Variants in KCNIP4 observed in about 807,000 individuals in gnomAD.
KCNIP4 encodes the protein potassium voltage-gated channel interacting protein 4, also known as Kv channel-interacting protein 4.
KCNIP4 carries 12 observed loss-of-function variants against 34.0 expected under a neutral mutation model. The ratio of observed to expected loss-of-function variants is 0.35; its 90% CI spans 0.23 to 0.57. The LOEUF is 0.57. Ranked by LOEUF, KCNIP4 falls within the 20% of genes least tolerant of loss-of-function variation. The pLI is 0.83. For missense variants in KCNIP4, 238 were observed against 311.7 expected, an observed-to-expected ratio of 0.76 and a Z score of 1.78; for synonymous variants, 124 against 102.2, an observed-to-expected ratio of 1.21 and a Z score of -1.29.
chr4:21,765,819 GA>G (rs374486594), intron 1 of KCNIP4, among the ~76,000 whole-genome samples: 1,317 of 95,012 alleles, frequency 0.014, 6 homozygotes, highest in South Asian at 0.027. Context: ...ACCAGGCCGT[GA>G]AAAAAAAAAA....
At chr4:21,737,107 C>G (rs776868323) in intron 1 of KCNIP4, among the ~76,000 whole-genome samples, 2 of 152,152 alleles carry the variant, frequency 1.3e-5, no homozygotes, top group Non-Finnish European at 2.9e-5. Flanking sequence ...TGTTGGGTGA[C>G]CTGGTGCCTA....
intron 1 of KCNIP4, among the ~76,000 whole-genome samples, chr4:21,239,763 T>G (rs916161009): frequency 2.0e-5 from 3 of 152,184 alleles, no homozygotes; most frequent in African/African-American, 7.2e-5. Flanking sequence ...GGAACACTTT[T>G]ACACTGTTGG....
chr4:21,252,731 T>G (rs1418363828), intron 1 of KCNIP4, among the ~76,000 whole-genome samples: 1 of 150,510 alleles, frequency 6.6e-6, no homozygotes, highest in South Asian at 2.1e-4. Flanking sequence ...ATTAGAAATA[T>G]CCATCTTTCC....
intron 1 of KCNIP4, among the ~76,000 whole-genome samples, chr4:21,405,678 A>C (rs1723923187): frequency 6.6e-6 from 1 of 152,206 alleles, no homozygotes; most frequent in Non-Finnish European, 1.5e-5. Flanking sequence ...AATAAATATC[A>C]GCCATTATCA....
At chr4:20,896,954 G>A (rs892360601) in intron 1 of KCNIP4, among the ~76,000 whole-genome samples, 1 of 150,524 alleles carries the variant, frequency 6.6e-6, no homozygotes, top group African/African-American at 2.4e-5. Flanking sequence ...TTTAATTACT[G>A]CCAAGCTCAC....
chr4:20,762,482 A>G (rs1433793650), intron 3 of KCNIP4, among the ~76,000 whole-genome samples: 1 of 152,198 alleles, frequency 6.6e-6, no homozygotes, highest in Non-Finnish European at 1.5e-5. Flanking sequence ...CATTTTTTTA[A>G]ACCTTCAGGT....
At chr4:21,457,937 C>T (rs906114701) in intron 1 of KCNIP4, among the ~76,000 whole-genome samples, 6 of 152,028 alleles carry the variant, frequency 3.9e-5, no homozygotes, top group Non-Finnish European at 5.9e-5. Context: ...CTGTTAGCTA[C>T]GTTCCTGCCC....
intron 1 of KCNIP4, among the ~76,000 whole-genome samples, chr4:21,607,341 A>T (rs531375898): frequency 6.6e-6 from 1 of 152,294 alleles, no homozygotes; most frequent in East Asian, 1.9e-4. Flanking sequence ...GTACTCAATT[A>T]AAATGAACAA....
chr4:21,498,421 G>A (rs10007854), intron 1 of KCNIP4, among the ~76,000 whole-genome samples: 5,744 of 151,984 alleles, frequency 0.038, 319 homozygotes, highest in African/African-American at 0.12. Flanking sequence ...CCATTTGGGG[G>A]GTTATGTTTT....
At chr4:20,737,409 T>C (rs1749880764) in intron 5 of KCNIP4, among the ~76,000 whole-genome samples, 1 of 152,124 alleles carries the variant, frequency 6.6e-6, no homozygotes, top group African/African-American at 2.4e-5. Flanking sequence ...AGGAGCACTT[T>C]GAATACTGAA....
chr4:21,773,430 G>T lies in KCNIP4; in HGVS notation c.61+175141C>A, dbSNP rs143706324. On this transcript the variant is annotated intron_variant, in intron 1 of 8. Coordinates refer to ENST00000382152, the MANE Select transcript of KCNIP4 (RefSeq NM_025221.6). ...AGATAATTCTGTAGCTGTATACTAG[G>T]TCCACTTGATCCAGAGATGAGTTCA... is the stretch of plus-strand genomic sequence containing the variant. 6.0e-3 allele frequency among the ~76,000 whole-genome samples: 915 copies of T among 152,226 alleles called. 11 individuals are homozygous for T. Among genetic ancestry groups the T allele is most frequent in the African/African-American group, 0.021 (874 of 41,546 alleles).
At chr4:21,102,814 A>G (rs2109073559) in intron 1 of KCNIP4, among the ~76,000 whole-genome samples, 1 of 152,250 alleles carries the variant, frequency 6.6e-6, no homozygotes, top group African/African-American at 2.4e-5. Context: ...ATTACTTTTA[A>G]TGATGCAAAA....
At chr4:20,977,313 C>T (rs374492989) in intron 1 of KCNIP4, among the ~76,000 whole-genome samples, 3 of 152,196 alleles carry the variant, frequency 2.0e-5, no homozygotes, top group South Asian at 2.1e-4. Flanking sequence ...AGGTCAATGT[C>T]TTGCTCACTT....
chr4:20,944,986 T>C (rs374473281), intron 1 of KCNIP4, among the ~76,000 whole-genome samples: 3 of 152,158 alleles, frequency 2.0e-5, no homozygotes, highest in Non-Finnish European at 2.9e-5. Flanking sequence ...GGGAAGAGAA[T>C]CTTAGCCTCA....
intron 1 of KCNIP4, among the ~76,000 whole-genome samples, chr4:21,752,993 T>G (rs566110179): frequency 3.9e-5 from 6 of 152,022 alleles, no homozygotes; most frequent in African/African-American, 1.2e-4. Flanking sequence ...ATTAGAGGGT[T>G]TTTTTTTATC....
intron 3 of KCNIP4, among the ~76,000 whole-genome samples, chr4:20,793,616 TG>T (rs1462373582): frequency 2.0e-5 from 3 of 152,088 alleles, no homozygotes; most frequent in South Asian, 4.1e-4. Flanking sequence ...TTTCCACGGA[TG>T]GGGTGGGATG....
intron 1 of KCNIP4, among the ~76,000 whole-genome samples, chr4:21,577,944 A>G (rs1259473271): frequency 6.6e-6 from 1 of 152,200 alleles, no homozygotes; most frequent in Non-Finnish European, 1.5e-5. Flanking sequence ...TATATTCTGG[A>G]GAATTGTTTT....
At chr4:21,829,251 T>C (rs1211602060) in intron 1 of KCNIP4, among the ~76,000 whole-genome samples, 2 of 151,862 alleles carry the variant, frequency 1.3e-5, no homozygotes, top group African/African-American at 2.4e-5. Context: ...TTGATAACCA[T>C]TGTAAAGTAA....
chr4:21,180,477 G>A (rs77770292), intron 1 of KCNIP4, among the ~76,000 whole-genome samples: 3,778 of 151,880 alleles, frequency 0.025, 74 homozygotes, highest in Non-Finnish European at 0.026. Context: ...TTGCCAATAA[G>A]TAAAAAGTAA....
Sources: allele counts gnomAD v4.1 joint callset (sites outside exome capture counted in the v4.1 genomes callset), GRCh38; gene constraint gnomAD v4.1.1; transcripts MANE v1.5; gene names NCBI Gene and HGNC (gene_info 2026-07-23, HGNC 2026-07-21).